CUL5: variants seen among roughly 807,000 people sequenced by gnomAD.
CUL5 encodes the protein cullin 5.
A neutral mutation model predicts 108.8 loss-of-function variants in CUL5; 26 were observed. That is an observed-to-expected ratio of 0.24 (90% CI 0.18 to 0.33). The LOEUF (loss-of-function observed/expected upper bound fraction) is 0.33, where lower values mean the gene tolerates loss of function less well. CUL5 is among the 10% of genes least tolerant of loss of function. CUL5 has a pLI of 1.00. For missense variants in CUL5, 524 were observed against 909.2 expected (o/e 0.58, Z 5.45); for synonymous variants, 334 against 298.0 (o/e 1.12, Z -1.25).
chr11:108,080,192 G>T (rs1864042684), intron 11 of CUL5, among the ~76,000 whole-genome samples: 1 of 151,092 alleles, frequency 6.6e-6, no homozygotes, highest in Admixed American at 6.6e-5. Flanking sequence ...CACCTCCTGG[G>T]CTTAAGCAGT....
chr11:108,037,923 T>C (rs1439376006), intron 2 of CUL5, among the ~76,000 whole-genome samples: 1 of 152,220 alleles, frequency 6.6e-6, no homozygotes, highest in Non-Finnish European at 1.5e-5. Flanking sequence ...AGACACACTA[T>C]TAAAATGCTG....
chr11:108,037,307 A>G (rs1334745548), intron 2 of CUL5, among the ~76,000 whole-genome samples: 4 of 152,136 alleles, frequency 2.6e-5, no homozygotes, highest in Non-Finnish European at 1.5e-5. Flanking sequence ...TCATACTGTG[A>G]ATGATTTTAT....
chr11:108,042,218 CTTTTTT>C (rs11440201), intron 2 of CUL5, among the ~76,000 whole-genome samples: 20 of 124,084 alleles, frequency 1.6e-4, no homozygotes, highest in Admixed American at 1.9e-4. Flanking sequence ...ATCCACAATT[CTTTTTT>C]TTTTTTTTTT....
chr11:108,096,155 AT>A (rs1423617136), intron 16 of CUL5, among the ~76,000 whole-genome samples: 4 of 151,432 alleles, frequency 2.6e-5, no homozygotes, highest in African/African-American at 9.7e-5. Flanking sequence ...GAAAAAATAA[AT>A]TGCAAATAGG....
At chr11:108,101,152 C>T (rs1864652768) in intron 18 of CUL5, among the ~76,000 whole-genome samples, 1 of 152,222 alleles carries the variant, frequency 6.6e-6, no homozygotes, top group Non-Finnish European at 1.5e-5. Context: ...TCTAAGCTGT[C>T]TTTAGGTAAT....
chr11:108,024,104 C>T (rs920285686), intron 1 of CUL5, among the ~76,000 whole-genome samples: 4 of 152,246 alleles, frequency 2.6e-5, no homozygotes, highest in South Asian at 4.1e-4. Context: ...GAAGCCCATT[C>T]ATTCCTTATC....
At chr11:108,097,492 C>G in intron 16 of CUL5, 144 bp from the exon 17 acceptor site, 1 of 559,770 alleles carries the variant, frequency 1.8e-6, no homozygotes, top group South Asian at 2.6e-5. Flanking sequence ...ATTATGCATT[C>G]AAATGTTATA....
chr11:108,095,846 A>G (rs536537792), intron 16 of CUL5, among the ~76,000 whole-genome samples, 155 bp downstream of exon 16: 1 of 152,308 alleles, frequency 6.6e-6, no homozygotes, highest in African/African-American at 2.4e-5. Flanking sequence ...CTGTAATCCC[A>G]GCACTTTGGA....
intron 8 of CUL5, 36 bp downstream of exon 8, chr11:108,070,225 C>A (rs1321506993): frequency 1.4e-6 from 2 of 1,442,612 alleles, no homozygotes; most frequent in Middle Eastern, 1.8e-4. Context: ...TCATAATCTT[C>A]TAAGAGGGTA....
chr11:108,027,489 C>G (rs934849567), intron 1 of CUL5, among the ~76,000 whole-genome samples: 1 of 152,226 alleles, frequency 6.6e-6, no homozygotes, highest in East Asian at 1.9e-4. Flanking sequence ...TCAGGCTGGT[C>G]TCGAACTCCT....
chr11:108,031,195 C>G (rs1190259421), intron 1 of CUL5, among the ~76,000 whole-genome samples: 1 of 151,934 alleles, frequency 6.6e-6, no homozygotes, highest in Admixed American at 6.6e-5. Flanking sequence ...TGGCGAAACC[C>G]CGTCTCTACT....
rs139192571 is a variant in CUL5 at position 108,048,173 on chromosome 11, C to A, written c.235-1717C>A. On this transcript the variant is annotated intron_variant, in intron 3 of 18. Coordinates refer to ENST00000393094, the MANE Select transcript of CUL5 (RefSeq NM_003478.6). ...CTTAGGCAATCTTCAGTTGAACATACCTTGTTAGGAAGGACCAAATCTCCC... is the reference window on the plus strand; with the variant it reads ...CTTAGGCAATCTTCAGTTGAACATAACTTGTTAGGAAGGACCAAATCTCCC... Among the ~76,000 whole-genome samples, 216 of 149,284 alleles carry A rather than the reference C, an allele frequency of 1.4e-3. 4 individuals carry two copies. The East Asian group carries it at 0.04, about 28-fold the overall frequency.
rs532077219 is a variant in CUL5 at position 108,009,276 on chromosome 11, G to C, written c.-73G>C. The C allele has an allele frequency of 2.5e-6, 4 of 1,570,052 alleles. No homozygotes were observed. In the Admixed American group the frequency reaches 5.1e-5, roughly 20 times the overall value. ...GGCCCTGGGCCCTGGTGGGAGCTCC[G>C]GCCTCCGGTCAAGGCCTGGCCGGGA... On this transcript the variant is annotated 5_prime_UTR_variant, in exon 1 of 19. Coordinates refer to ENST00000393094, the MANE Select transcript of CUL5 (RefSeq NM_003478.6).
chr11:108,012,327 C>CA (rs1345546890), intron 1 of CUL5, among the ~76,000 whole-genome samples: 2 of 152,122 alleles, frequency 1.3e-5, no homozygotes, highest in African/African-American at 4.8e-5. Context: ...TGCTGAGCCT[C>CA]ACCCCTCTTA....
Position 108,094,440 on chromosome 11 carries a change from A to G in CUL5, c.1493A>G (p.Gln498Arg). ...DYVNKLARMF[Q>R]DIKVSEDLNQ... is the part of the protein sequence containing the mutation. ...GTAAACAAGCTTGCTAGAATGTTTC[A>G]GGACATAAAAGTATCTGAAGATTTG... is the stretch of plus-strand genomic sequence containing the variant. Residue 498 changes from glutamine (Q) to arginine (R), a missense_variant, in exon 14 of 19, where the codon CAG becomes CGG. Physicochemically the swap from Gln to Arg is conservative, Grantham distance 43 (BLOSUM62 1). Transcript: ENST00000393094. 1 of 1,579,332 alleles carries G rather than the reference A, an allele frequency of 6.3e-7. No individual in the cohort carries two copies. Among genetic ancestry groups the G allele is most frequent in the Non-Finnish European group, 8.6e-7 (1 of 1,160,970 alleles).
At position 108,088,625 on chromosome 11, in the gene CUL5, C is replaced by T. The variant is rs776702711; in HGVS notation, c.1277C>T (p.Thr426Ile). 3 of 1,603,144 alleles carry T rather than the reference C, an allele frequency of 1.9e-6. No homozygotes were observed. Among genetic ancestry groups the T allele is most frequent in the Admixed American group, 1.7e-5 (1 of 57,246 alleles). The change falls in exon 12 of 19, where the codon ACC becomes ATC. Residue 426 changes from threonine to isoleucine, a missense_variant. By Grantham distance (89) the Thr-to-Ile change is moderately conservative (BLOSUM62 -1). This residue lies in a region of CUL5 where 76 missense variants were observed against 168.3 expected (regional missense o/e 0.45). Coordinates refer to ENST00000393094, the MANE Select transcript of CUL5 (RefSeq NM_003478.6). ...AAAACACCATTAAGCAAAAAACTAA[C>T]CTCTGAAGAGATTGAAGCAAAGCTT... ...LRKTPLSKKLTSEEIEAKLKE... is the reference protein window; with the variant it reads ...LRKTPLSKKLISEEIEAKLKE...
rs372886219 is a variant in CUL5 at position 108,072,514 on chromosome 11, A to C, written c.1005+52A>C. ...AGATATATATCAAGGCTATTTTTTA[A>C]ATGTAGGATTATTGAAAATAGTGAG... is the stretch of plus-strand genomic sequence containing the variant. On this transcript the variant is annotated intron_variant, in intron 9 of 18. Transcript: ENST00000393094. 20 of 1,493,394 alleles carry C rather than the reference A, an allele frequency of 1.3e-5. No homozygotes were observed. In the African/African-American group the frequency reaches 2.5e-4, roughly 19 times the overall value. 92.5% of individuals were successfully genotyped at this position (1,493,394 alleles called of 1,614,324 possible).
chr11:108,044,324 C>T (rs1355143167), intron 2 of CUL5, among the ~76,000 whole-genome samples: 1 of 151,762 alleles, frequency 6.6e-6, no homozygotes, highest in East Asian at 1.9e-4. Flanking sequence ...ATGATCAGTC[C>T]AGACAACATA....
intron 10 of CUL5, among the ~76,000 whole-genome samples, chr11:108,077,351 A>C: frequency 6.6e-6 from 1 of 152,258 alleles, no homozygotes; most frequent in East Asian, 1.9e-4. Context: ...GACTTTAACA[A>C]GAACAGTTGT....
Sources: gnomAD v4.1 joint callset for allele counts (sites outside exome capture counted in the v4.1 genomes callset) on GRCh38, gnomAD v4.1.1 for gene constraint, gnomAD v4.1.1 regional missense constraint, MANE v1.5 for transcripts, NCBI Gene and HGNC (gene_info 2026-07-23, HGNC 2026-07-21) for gene names.